SLC12A6: variants seen among roughly 807,000 people sequenced by gnomAD.
The protein encoded by SLC12A6 is solute carrier family 12 member 6.
Under a neutral mutation model 135.3 loss-of-function variants are expected in SLC12A6, and 66 were observed. The ratio of observed to expected loss-of-function variants is 0.49; its 90% CI spans 0.40 to 0.60. The LOEUF (loss-of-function observed/expected upper bound fraction) is 0.60, where lower values mean the gene tolerates loss of function less well. Among genes scored for constraint, SLC12A6 ranks in the 20% least tolerant of loss-of-function variants. The pLI, the probability that SLC12A6 is intolerant of heterozygous loss-of-function variation, is 0.00. For missense variants in SLC12A6, 1,058 were observed against 1,452.3 expected, an observed-to-expected ratio of 0.73 and a Z score of 4.41; for synonymous variants, 513 against 508.8, an observed-to-expected ratio of 1.01 and a Z score of -0.11.
chr15:34,256,790 G>A (rs936968726), intron 6 of SLC12A6, among the ~76,000 whole-genome samples: 16 of 152,196 alleles, frequency 1.1e-4, no homozygotes, highest in African/African-American at 3.1e-4. Context: ...TGGTTAGCAG[G>A]CTACCATAGT....
At chr15:34,257,616 TC>T in intron 6 of SLC12A6, 25 bp downstream of exon 6, 1 of 1,605,460 alleles carries the variant, frequency 6.2e-7, no homozygotes, top group Non-Finnish European at 8.5e-7. Flanking sequence ...GTTCAGGTGA[TC>T]TCTAGGAGCC....
At chr15:34,322,764 G>C (rs1766246246) in intron 2 of SLC12A6, among the ~76,000 whole-genome samples, 1 of 151,882 alleles carries the variant, frequency 6.6e-6, no homozygotes, top group African/African-American at 2.4e-5. Flanking sequence ...GATCACTTGA[G>C]GTCAGGAGTT....
chr15:34,333,705 T>C (rs1890014280), intron 2 of SLC12A6, among the ~76,000 whole-genome samples: 1 of 152,112 alleles, frequency 6.6e-6, no homozygotes, highest in African/African-American at 2.4e-5. Flanking sequence ...AAAATTACTT[T>C]GATAGCAGAA....
At chr15:34,277,214 C>T (rs1045734623) in intron 2 of SLC12A6, among the ~76,000 whole-genome samples, 4 of 152,252 alleles carry the variant, frequency 2.6e-5, no homozygotes, top group African/African-American at 9.6e-5. Flanking sequence ...GCGGGAGGAT[C>T]ACGAGGCCAG....
At chr15:34,294,226 A>G (rs1032066113) in intron 2 of SLC12A6, among the ~76,000 whole-genome samples, 5 of 152,006 alleles carry the variant, frequency 3.3e-5, no homozygotes, top group African/African-American at 4.8e-5. Flanking sequence ...CTGCTAATTT[A>G]AATACTTCCT....
intron 2 of SLC12A6, among the ~76,000 whole-genome samples, chr15:34,300,490 G>C (rs1304092861): frequency 6.6e-6 from 1 of 152,068 alleles, no homozygotes; most frequent in East Asian, 1.9e-4. Flanking sequence ...TAACACAGCT[G>C]CCAGGATTAA....
intron 2 of SLC12A6, among the ~76,000 whole-genome samples, chr15:34,315,756 C>A (rs114585744): frequency 0.039 from 5,953 of 152,038 alleles, 216 homozygotes; most frequent in African/African-American, 0.098. Flanking sequence ...GAGACTGAGG[C>A]GGGCGGATCA....
rs757527601 is a variant in SLC12A6, at chr15:34,257,656, T to A, written c.676A>T (p.Ile226Phe). ...GVLQAFAIVLICCCCTMLTAI... is the reference protein window; with the variant it reads ...GVLQAFAIVLFCCCCTMLTAI... ...GCAGTACTTACACAGCAGCAGCAGA[T>A]AAGGACAATTGCAAAAGCCTGAAGA... is the stretch of plus-strand genomic sequence containing the variant. The change falls in exon 6 of 26, where the codon ATC (isoleucine) becomes TTC (phenylalanine). Residue 226 changes from isoleucine (I) to phenylalanine (F), a missense_variant. Around this residue, in one of 6 missense-constraint regions of SLC12A6, gnomAD observed 139 missense variants for 202.2 expected, o/e 0.69. Coordinates refer to ENST00000354181, the MANE Select transcript of SLC12A6 (RefSeq NM_001365088.1). 2 of 1,613,762 alleles carry A rather than the reference T, an allele frequency of 1.2e-6. No homozygotes were observed. The highest frequency in any genetic ancestry group is 2.2e-5 in the South Asian group (2 of 91,076).
At chr15:34,255,200 A>T in intron 8 of SLC12A6, 62 bp downstream of exon 8, 1 of 1,328,688 alleles carries the variant, frequency 7.5e-7, no homozygotes, top group South Asian at 1.2e-5. Context: ...CTTTCATAGC[A>T]AAGAATAAAC....
At position 34,250,891 on chromosome 15, in the gene SLC12A6, G is replaced by A. The variant is rs1892341722; in HGVS notation, c.1492+8C>T. The A allele has an allele frequency of 5.0e-6, 8 of 1,605,752 alleles. No homozygotes were observed. The highest frequency in any genetic ancestry group is 1.7e-4 in the Middle Eastern group (1 of 6,048). On this transcript the variant is annotated splice_region_variant and intron_variant, in intron 11 of 25. Coordinates refer to ENST00000354181, the MANE Select transcript of SLC12A6 (RefSeq NM_001365088.1). ...GCTTCTAAAATATACAACAGCCTAT[G>A]TGTTTACCTGTAACAGAGGGAAAGA...
chr15:34,275,236 T>C (rs1461919041), intron 3 of SLC12A6, 109 bp downstream of exon 3: 3 of 649,076 alleles, frequency 4.6e-6, no homozygotes, highest in Admixed American at 2.4e-5. Flanking sequence ...GGGTGGGAAG[T>C]AGAAAAGGAG....
chr15:34,273,582 C>T (rs529276391), intron 3 of SLC12A6, among the ~76,000 whole-genome samples: 5 of 151,952 alleles, frequency 3.3e-5, no homozygotes, highest in East Asian at 1.9e-4. Context: ...ATAGAAAGAA[C>T]GAAAAAGGAG....
In SLC12A6 at chr15:34,275,387, G is replaced by C; in HGVS notation, c.274C>G (p.Leu92Val). Residue 92 changes from leucine to valine, a missense_variant and splice_region_variant, in exon 3 of 26, where the codon CTG (leucine) becomes GTG (valine). Physicochemically the swap from Leu to Val is conservative, Grantham distance 32. Coordinates refer to ENST00000354181, the MANE Select transcript of SLC12A6 (RefSeq NM_001365088.1). ...TCCCCTGTGATGGAGTTCTGACTCA[G>C]GTCTGAAAAACAAACAATTGAAAAG... ...TSHPQDVIED[L>V]SQNSITGEHS... 6.6e-7 allele frequency: 1 copy of C among 1,508,340 alleles called. No individual in the cohort carries two copies. The highest frequency in any genetic ancestry group is 1.1e-5 in the South Asian group (1 of 88,542). The allele number at this position is 1,508,340 out of a possible 1,614,324, so 93.4% of individuals were successfully genotyped here. A position where few individuals can be genotyped will look rare whatever the true frequency, so the allele number is the denominator to read the frequency against.
chr15:34,294,712 T>C (rs960317986), intron 2 of SLC12A6, among the ~76,000 whole-genome samples: 4 of 152,142 alleles, frequency 2.6e-5, no homozygotes, highest in African/African-American at 9.7e-5. Flanking sequence ...GGATTACTGG[T>C]GTGCACCACT....
Position 34,336,671 on chromosome 15 carries a change from G to A in SLC12A6, c.10C>T (p.Pro4Ser), listed in dbSNP as rs773997369. MHP[P>S]ETTTKMASVR... ...GAAGCCATCTTGGTGGTGGTTTCTG[G>A]AGGATGCATTTTGTTCTTTTTAAGA... The change falls in exon 2 of 26, where the codon CCA becomes TCA. Residue 4 changes from proline to serine, a missense_variant. Around this residue, in one of 6 missense-constraint regions of SLC12A6, gnomAD observed 176 missense variants for 168.9 expected, o/e 1.04. Coordinates refer to ENST00000354181, the MANE Select transcript of SLC12A6 (RefSeq NM_001365088.1). 1.2e-6 allele frequency: 2 copies of A among 1,613,956 alleles called. No homozygotes were observed. Among genetic ancestry groups the A allele is most frequent in the South Asian group, 1.1e-5 (1 of 91,086 alleles).
At chr15:34,327,571 C>T (rs980838364) in intron 2 of SLC12A6, among the ~76,000 whole-genome samples, 1 of 151,814 alleles carries the variant, frequency 6.6e-6, no homozygotes, top group African/African-American at 2.4e-5. Flanking sequence ...GGGAGGAGAA[C>T]TGCTTGAACC....
chr15:34,241,287 G>A lies in SLC12A6; in HGVS notation c.2213C>T (p.Ala738Val). The A allele has an allele frequency of 1.2e-6, 2 of 1,611,912 alleles. No individual in the cohort carries two copies. The highest frequency in any genetic ancestry group is 8.5e-7 in the Non-Finnish European group (1 of 1,177,946). The change falls in exon 18 of 26, where the codon GCC becomes GTC. Residue 738 changes from alanine to valine, a missense_variant. Ala to Val is a moderately conservative substitution (Grantham distance 64, BLOSUM62 0). Around this residue, in one of 6 missense-constraint regions of SLC12A6, gnomAD observed 170 missense variants for 297.6 expected, o/e 0.57. Coordinates refer to ENST00000354181, the MANE Select transcript of SLC12A6 (RefSeq NM_001365088.1). ...CTCCAATCGAAGCAAAGCAAACCGG[G>A]CTGCACTGAGGGACAGCCCACGGAT... is the stretch of plus-strand genomic sequence containing the variant. ...DGIRGLSLSA[A>V]RFALLRLEEG...
Position 34,311,254 on chromosome 15 carries a change from T to G in SLC12A6, c.271+25156A>C, listed in dbSNP as rs191805501. Among the ~76,000 whole-genome samples the G allele has an allele frequency of 2.6e-3, 397 of 152,274 alleles. 2 individuals carry two copies. Among genetic ancestry groups the G allele is most frequent in the African/African-American group, 9.2e-3 (382 of 41,552 alleles). On this transcript the variant is annotated intron_variant, in intron 2 of 25. Coordinates refer to ENST00000354181, the MANE Select transcript of SLC12A6 (RefSeq NM_001365088.1). ...GCCTAATCCATAGGCAATATAAGAT[T>G]TGAGGAGCAGGGGAGAAAATCTCGA... is the stretch of plus-strand genomic sequence containing the variant.
rs1486298393 is a variant in SLC12A6, at chr15:34,256,254, G to C, written c.720C>G (p.Ala240=). The C allele has an allele frequency of 1.2e-6, 2 of 1,607,260 alleles. No homozygotes were observed. The highest frequency in any genetic ancestry group is 1.7e-6 in the Non-Finnish European group (2 of 1,173,870). The change falls in exon 7 of 26, where the codon GCC becomes GCG. Residue 240 remains alanine (A), a synonymous_variant. Transcript: ENST00000354181. ...CTGGCACCACTCCATTAGTGGCAAT[G>C]GCACTCATGGAGATAGCAGTCAACA... ...CTMLTAISMS[A]IATNGVVPAG...
Sources: allele counts gnomAD v4.1 joint callset (sites outside exome capture counted in the v4.1 genomes callset), GRCh38; gene constraint gnomAD v4.1.1; regional missense constraint gnomAD v4.1.1; transcripts MANE v1.5; gene names NCBI Gene and HGNC (gene_info 2026-07-23, HGNC 2026-07-21).